Variants in KIFAP3 observed in about 807,000 individuals in gnomAD.
The protein encoded by KIFAP3 is kinesin associated protein 3.
KIFAP3 carries 68 observed loss-of-function variants against 106.5 expected under a neutral mutation model. The ratio of observed to expected loss-of-function variants is 0.64; its 90% CI spans 0.53 to 0.78. The LOEUF (loss-of-function observed/expected upper bound fraction) is 0.78. KIFAP3 is among the 30% of genes least tolerant of loss of function. The pLI, the probability that KIFAP3 is intolerant of heterozygous loss-of-function variation, is 0.00. For missense variants in KIFAP3, 780 were observed against 941.8 expected (o/e 0.83, Z 2.25); for synonymous variants, 320 against 311.5 (o/e 1.03, Z -0.29).
At chr1:169,939,176 G>A (rs673280) in intron 19 of KIFAP3, among the ~76,000 whole-genome samples, 133,737 of 152,126 alleles carry the variant, frequency 0.88, 58,997 homozygotes, top group East Asian at 0.99. Flanking sequence ...GCTATTGAGT[G>A]GTTCAGGTGG....
At chr1:170,034,622 G>T (rs1481132801) in intron 6 of KIFAP3, 126 bp from the exon 7 acceptor site, 21 of 458,090 alleles carry the variant, frequency 4.6e-5, no homozygotes, top group Non-Finnish European at 1.5e-5. Context: ...TTTAATAAAT[G>T]AATATATCCA....
intron 15 of KIFAP3, among the ~76,000 whole-genome samples, chr1:169,981,583 T>C (rs551926587): frequency 1.3e-5 from 2 of 152,324 alleles, no homozygotes; most frequent in Admixed American, 6.5e-5. Flanking sequence ...AACTTTATCA[T>C]TGGTATGTTT....
At chr1:170,014,340 ACTTATT>A (rs1346610818) in intron 10 of KIFAP3, among the ~76,000 whole-genome samples, 1 of 152,182 alleles carries the variant, frequency 6.6e-6, no homozygotes, top group African/African-American at 2.4e-5. Context: ...GTTATCTTTC[ACTTATT>A]CTTAGTCATA....
At chr1:170,058,549 G>C (rs1670969147) in intron 1 of KIFAP3, among the ~76,000 whole-genome samples, 1 of 152,090 alleles carries the variant, frequency 6.6e-6, no homozygotes, top group Admixed American at 6.6e-5. Context: ...CTGCTTAATG[G>C]GGAACTCTAT....
intron 1 of KIFAP3, among the ~76,000 whole-genome samples, chr1:170,067,010 A>T (rs1557877737): frequency 2.0e-5 from 3 of 152,092 alleles, no homozygotes; most frequent in African/African-American, 7.2e-5. Context: ...AAACTAGATA[A>T]TTTTTTTAAA....
At position 170,028,090 on chromosome 1, in the gene KIFAP3, G is replaced by C. The variant is rs1242977466; in HGVS notation, c.842-3494C>G. Among the ~76,000 whole-genome samples the C allele has an allele frequency of 2.0e-5, 3 of 151,854 alleles. No individual in the cohort carries two copies. The East Asian group carries it at 5.8e-4, about 29-fold the overall frequency. ...AAAGATAAAAATATTTTTAAAATGA[G>C]ACTTTTTTAGACACACAAAAGATAA... is the stretch of plus-strand genomic sequence containing the variant. On this transcript the variant is annotated intron_variant, in intron 8 of 19. Coordinates refer to ENST00000361580, the MANE Select transcript of KIFAP3 (RefSeq NM_014970.4).
intron 15 of KIFAP3, among the ~76,000 whole-genome samples, chr1:169,981,203 C>A (rs1187671792): frequency 6.6e-6 from 1 of 152,152 alleles, no homozygotes; most frequent in Non-Finnish European, 1.5e-5. Flanking sequence ...TAGTTAACTG[C>A]AGTCAACCAT....
chr1:170,004,910 G>A (rs1160683701), intron 10 of KIFAP3, among the ~76,000 whole-genome samples: 1 of 151,812 alleles, frequency 6.6e-6, no homozygotes, highest in Non-Finnish European at 1.5e-5. Context: ...TACCATCAGA[G>A]TGAACAGGCA....
At position 170,051,734 on chromosome 1, in the gene KIFAP3, C is replaced by T. The variant is rs189491556; in HGVS notation, c.164+3571G>A. 3.6e-3 allele frequency among the ~76,000 whole-genome samples: 547 copies of T among 152,262 alleles called. 7 individuals are homozygous for T. The highest frequency in any genetic ancestry group is 0.012 in the African/African-American group (496 of 41,552). The stretch of plus-strand genomic sequence containing the variant: ...TACATGGAAACTGAACAACCTGGTC[C>T]TGAATGACTGCTGGGTAAATAAAAA... On this transcript the variant is annotated intron_variant, in intron 2 of 19. Transcript: ENST00000361580.
rs559082999 is a variant in KIFAP3, at chr1:169,999,756, C to T, written c.1184-7501G>A. ...CTGAATTATCTTAGCATTTGTGCAG[C>T]CATTCCCCTCAAATTGGTCATTCCC... is the stretch of plus-strand genomic sequence containing the variant. On this transcript the variant is annotated intron_variant, in intron 10 of 19. Transcript: ENST00000361580. Among the ~76,000 whole-genome samples the T allele has an allele frequency of 3.3e-5, 5 of 152,276 alleles. No homozygotes were observed. In the South Asian group the frequency reaches 1.0e-3, roughly 32 times the overall value.
chr1:170,062,879 T>C (rs182187203), intron 1 of KIFAP3, among the ~76,000 whole-genome samples: 13 of 150,750 alleles, frequency 8.6e-5, no homozygotes, highest in African/African-American at 2.9e-4. Context: ...TTATTTATAG[T>C]CTTTTTTTTT....
At chr1:169,936,657 G>A (rs143031211) in intron 19 of KIFAP3, among the ~76,000 whole-genome samples, 2 of 151,510 alleles carry the variant, frequency 1.3e-5, no homozygotes, top group East Asian at 3.9e-4. Context: ...TCTAAATTTT[G>A]TGTGTGTGTA....
chr1:169,959,312 T>C (rs2101858088), intron 18 of KIFAP3, among the ~76,000 whole-genome samples: 1 of 152,292 alleles, frequency 6.6e-6, no homozygotes, highest in African/African-American at 2.4e-5. Flanking sequence ...CCATGGACTA[T>C]CCATGGAAAA....
chr1:170,051,730 G>C lies in KIFAP3; in HGVS notation c.164+3575C>G, dbSNP rs371946172. 1.8e-3 allele frequency among the ~76,000 whole-genome samples: 278 copies of C among 152,208 alleles called. 1 individual carries two copies. Among genetic ancestry groups the C allele is most frequent in the African/African-American group, 6.5e-3 (270 of 41,526 alleles). On this transcript the variant is annotated intron_variant, in intron 2 of 19. Coordinates refer to ENST00000361580, the MANE Select transcript of KIFAP3 (RefSeq NM_014970.4). The stretch of plus-strand genomic sequence containing the variant: ...TAACTACATGGAAACTGAACAACCT[G>C]GTCCTGAATGACTGCTGGGTAAATA...
At chr1:169,963,923 A>ATT in intron 17 of KIFAP3, among the ~76,000 whole-genome samples, 1 of 152,272 alleles carries the variant, frequency 6.6e-6, no homozygotes, top group African/African-American at 2.4e-5. Context: ...AATAATAAAC[A>ATT]TTTTTATTCA....
At chr1:169,949,336 T>C (rs1387866497) in intron 19 of KIFAP3, among the ~76,000 whole-genome samples, 1 of 152,030 alleles carries the variant, frequency 6.6e-6, no homozygotes, top group Non-Finnish European at 1.5e-5. Context: ...TTGACCCCAC[T>C]GAAATGGTCA....
At chr1:170,028,372 T>C (rs149361651) in intron 8 of KIFAP3, among the ~76,000 whole-genome samples, 2 of 152,338 alleles carry the variant, frequency 1.3e-5, no homozygotes, top group African/African-American at 4.8e-5. Flanking sequence ...GGAGTCTCGC[T>C]CTGTCACCTG....
At chr1:170,035,875 C>T (rs1264316379) in intron 5 of KIFAP3, among the ~76,000 whole-genome samples, 1 of 151,706 alleles carries the variant, frequency 6.6e-6, no homozygotes, top group Non-Finnish European at 1.5e-5. Flanking sequence ...AAATTAAGAA[C>T]TGTAATCTTC....
intron 1 of KIFAP3, among the ~76,000 whole-genome samples, chr1:170,081,056 G>A (rs182224563): frequency 6.6e-6 from 1 of 152,178 alleles, no homozygotes; most frequent in Admixed American, 6.5e-5. Flanking sequence ...GAGAAGGAAG[G>A]TCTATCACCA....
Sources: allele counts gnomAD v4.1 joint callset (sites outside exome capture counted in the v4.1 genomes callset), GRCh38; gene constraint gnomAD v4.1.1; transcripts MANE v1.5; gene names NCBI Gene and HGNC (gene_info 2026-07-23, HGNC 2026-07-21).